Variants in USH2A observed in about 807,000 individuals in gnomAD.
The protein encoded by USH2A is usherin.
A neutral mutation model predicts 538.9 loss-of-function variants in USH2A; 443 were observed. The ratio of observed to expected loss-of-function variants is 0.82; its 90% confidence interval spans 0.76 to 0.89. The LOEUF (loss-of-function observed/expected upper bound fraction) is 0.89. Ranked by LOEUF, USH2A falls within the 40% of genes least tolerant of loss-of-function variation. USH2A has a pLI of 0.00. For missense variants in USH2A, 6,633 were observed against 6,324.8 expected (o/e 1.05, Z -1.65); for synonymous variants, 2,413 against 2,273.5 (o/e 1.06, Z -1.75).
intron 21 of USH2A, among the ~76,000 whole-genome samples, chr1:216,163,951 T>C (rs2034118322): frequency 6.6e-6 from 1 of 152,138 alleles, no homozygotes; most frequent in Non-Finnish European, 1.5e-5. Context: ...AACCATATTT[T>C]TGAGAAATTT....
At chr1:216,070,521 C>T (rs1181381952) in intron 29 of USH2A, among the ~76,000 whole-genome samples, 1 of 152,116 alleles carries the variant, frequency 6.6e-6, no homozygotes, top group East Asian at 1.9e-4. Context: ...AACATTCTTT[C>T]AAGTCTAGTC....
At chr1:216,249,323 C>T (rs2036113380) in intron 12 of USH2A, among the ~76,000 whole-genome samples, 1 of 152,072 alleles carries the variant, frequency 6.6e-6, no homozygotes, top group Admixed American at 6.6e-5. Context: ...TGGCATTATA[C>T]ATTCTAAATT....
chr1:215,794,547 C>A (rs1185461937), intron 50 of USH2A, among the ~76,000 whole-genome samples: 2 of 152,100 alleles, frequency 1.3e-5, no homozygotes, highest in Non-Finnish European at 2.9e-5. Context: ...GAGTGAACGG[C>A]AGCAGAGAGA....
At chr1:215,662,696 A>G (rs1309755839) in intron 64 of USH2A, among the ~76,000 whole-genome samples, 1 of 152,218 alleles carries the variant, frequency 6.6e-6, no homozygotes, top group Non-Finnish European at 1.5e-5. Context: ...GTTTTAGAAT[A>G]AATACACTGC....
At chr1:215,636,825 C>G (rs1055243017) in intron 69 of USH2A, among the ~76,000 whole-genome samples, 2 of 152,142 alleles carry the variant, frequency 1.3e-5, no homozygotes, top group Non-Finnish European at 2.9e-5. Context: ...ATTAGTTGGG[C>G]AGCACATCTT....
chr1:216,319,283 T>C (rs2037564768), intron 9 of USH2A, among the ~76,000 whole-genome samples: 1 of 152,180 alleles, frequency 6.6e-6, no homozygotes, highest in South Asian at 2.1e-4. Flanking sequence ...TGCTTTAACT[T>C]TAAAATCTAG....
chr1:216,342,248 A>G (rs1356916316), intron 4 of USH2A, among the ~76,000 whole-genome samples: 1 of 152,164 alleles, frequency 6.6e-6, no homozygotes, highest in African/African-American at 2.4e-5. Context: ...AAAAAGCTTA[A>G]CATCACTGAT....
At chr1:216,358,710 G>A (rs2038435591) in intron 4 of USH2A, among the ~76,000 whole-genome samples, 1 of 152,098 alleles carries the variant, frequency 6.6e-6, no homozygotes, top group African/African-American at 2.4e-5. Flanking sequence ...TTTTCCTTCT[G>A]TAGCTCTCAG....
At chr1:215,823,591 C>A (rs1663073681) in intron 47 of USH2A, among the ~76,000 whole-genome samples, 1 of 151,982 alleles carries the variant, frequency 6.6e-6, no homozygotes, top group South Asian at 2.1e-4. Context: ...TTACATTTTA[C>A]AAAGTTTTCT....
At chr1:215,973,111 C>A (rs978080007) in intron 35 of USH2A, among the ~76,000 whole-genome samples, 2 of 152,164 alleles carry the variant, frequency 1.3e-5, no homozygotes, top group Non-Finnish European at 2.9e-5. Flanking sequence ...GTTACAGAAT[C>A]TCTTAAAGAA....
chr1:216,321,515 GT>G (rs1257396990), intron 9 of USH2A, among the ~76,000 whole-genome samples: 1 of 151,946 alleles, frequency 6.6e-6, no homozygotes. Flanking sequence ...TGATACTTTT[GT>G]ATAAATACCC....
chr1:216,226,822 T>C (rs1377335845), intron 14 of USH2A, among the ~76,000 whole-genome samples: 1 of 152,190 alleles, frequency 6.6e-6, no homozygotes, highest in South Asian at 2.1e-4. Flanking sequence ...CATCCGGTCA[T>C]GAGAAATACG....
At chr1:216,415,300 A>G (rs889463589) in intron 3 of USH2A, among the ~76,000 whole-genome samples, 26 of 152,034 alleles carry the variant, frequency 1.7e-4, no homozygotes, top group Middle Eastern at 3.4e-3. Flanking sequence ...GAGTCAAATG[A>G]CTCAGTTTGA....
chr1:216,017,940 T>C (rs758104159), intron 32 of USH2A, among the ~76,000 whole-genome samples: 1 of 152,208 alleles, frequency 6.6e-6, no homozygotes, highest in Non-Finnish European at 1.5e-5. Context: ...GATATCTCTT[T>C]TGGGTGGCAA....
At position 216,326,636 on chromosome 1, in the gene USH2A, C is replaced by G. The variant is rs7523980; in HGVS notation, c.848+955G>C. ...CTTTTGGCAGTAAATACACCTAACA[C>G]TGTGTTCCAGGGCCATGGCACCCTT... On this transcript the variant is annotated intron_variant, in intron 5 of 71. Transcript: ENST00000307340. 3.7e-3 allele frequency among the ~76,000 whole-genome samples: 561 copies of G among 152,270 alleles called. 7 individuals are homozygous for G. The highest frequency in any genetic ancestry group is 0.012 in the African/African-American group (505 of 41,558).
At chr1:216,227,715 G>A (rs924212124) in intron 14 of USH2A, among the ~76,000 whole-genome samples, 4 of 152,188 alleles carry the variant, frequency 2.6e-5, no homozygotes, top group Non-Finnish European at 4.4e-5. Flanking sequence ...CATATATCTG[G>A]CTTTATTTTG....
chr1:216,217,482 C>A lies in USH2A; in HGVS notation c.3062G>T (p.Cys1021Phe). The A allele has an allele frequency of 6.2e-7, 1 of 1,613,284 alleles. No homozygotes were observed. Among genetic ancestry groups the A allele is most frequent in the Non-Finnish European group, 8.5e-7 (1 of 1,179,482 alleles). ...GCCAGTGACAAATTGTTTACAGAAA[C>A]ACTGGCCTGTGACCAAGTGACAGGT... ...NETCHLVTGQ[C>F]FCKQFVTGSK... The change falls in exon 15 of 72, where the codon TGT (cysteine) becomes TTT (phenylalanine). Residue 1021 changes from cysteine (C) to phenylalanine (F), a missense_variant. Physicochemically the swap from Cys to Phe is radical, Grantham distance 205. Transcript: ENST00000307340.
chr1:215,928,398 G>A (rs1666289695), intron 38 of USH2A, among the ~76,000 whole-genome samples: 1 of 150,872 alleles, frequency 6.6e-6, no homozygotes, highest in African/African-American at 2.4e-5. Context: ...ATTTTTTTTG[G>A]TGCTAGTACA....
intron 21 of USH2A, among the ~76,000 whole-genome samples, chr1:216,163,285 T>G (rs1386115679): frequency 6.6e-6 from 1 of 152,014 alleles, no homozygotes; most frequent in African/African-American, 2.4e-5. Context: ...TTCTAATATA[T>G]TCCCATTTGC....
Sources: gnomAD v4.1 joint callset for allele counts (sites outside exome capture counted in the v4.1 genomes callset) on GRCh38, gnomAD v4.1.1 for gene constraint, MANE v1.5 for transcripts, NCBI Gene and HGNC (gene_info 2026-07-23, HGNC 2026-07-21) for gene names.